Variants in KLHL22 observed in about 807,000 individuals in gnomAD.
KLHL22 encodes the protein kelch-like protein 22.
KLHL22 carries 18 observed loss-of-function variants against 60.7 expected under a neutral mutation model. That is an observed-to-expected ratio of 0.30 (90% confidence interval 0.20 to 0.44). KLHL22 has a LOEUF of 0.44. Ranked by LOEUF, KLHL22 falls within the 20% of genes least tolerant of loss-of-function variation. The pLI is 1.00. For synonymous variants in KLHL22, 355 were observed against 354.5 expected, an observed-to-expected ratio of 1.00 and a Z score of -0.01; for missense variants, 596 against 852.3, an observed-to-expected ratio of 0.70 and a Z score of 3.74.
intron 2 of KLHL22, among the ~76,000 whole-genome samples, chr22:20,477,026 T>A (rs1243091102): frequency 2.0e-5 from 3 of 151,142 alleles, no homozygotes; most frequent in African/African-American, 4.9e-5. Flanking sequence ...TTTTACCATT[T>A]TAAGAAAAAA....
At chr22:20,464,106 C>T (rs1367495941) in intron 4 of KLHL22, among the ~76,000 whole-genome samples, 2 of 152,130 alleles carry the variant, frequency 1.3e-5, no homozygotes, top group African/African-American at 4.8e-5. Flanking sequence ...GTCTTGTGGG[C>T]CTGAACCACT....
chr22:20,492,121 C>T (rs1394754278), intron 1 of KLHL22: 3 of 152,240 alleles, frequency 2.0e-5, no homozygotes, highest in Admixed American at 2.0e-4. Context: ...CCAGTTTCAC[C>T]TACAGCTCAG....
chr22:20,443,876 C>T (rs563512450), intron 6 of KLHL22, among the ~76,000 whole-genome samples: 1 of 151,952 alleles, frequency 6.6e-6, no homozygotes, highest in South Asian at 2.1e-4. Context: ...GGCAAAACCC[C>T]GTCTCTACTA....
chr22:20,458,558 T>C (rs536943278), intron 4 of KLHL22, among the ~76,000 whole-genome samples: 1 of 149,100 alleles, frequency 6.7e-6, no homozygotes, highest in Non-Finnish European at 1.5e-5. Flanking sequence ...CACTTCCATC[T>C]CACTTACCTC....
chr22:20,470,778 G>GGATGGATA (rs1298553787), intron 3 of KLHL22, among the ~76,000 whole-genome samples: 1 of 119,882 alleles, frequency 8.3e-6, no homozygotes, highest in Admixed American at 1.0e-4. Flanking sequence ...ATGCATGGAT[G>GGATGGATA]GATGGATAGA....
intron 6 of KLHL22, among the ~76,000 whole-genome samples, chr22:20,445,761 T>C (rs1450164690): frequency 4.0e-5 from 6 of 151,834 alleles, no homozygotes; most frequent in African/African-American, 1.5e-4. Flanking sequence ...AGTTTTGTTG[T>C]TGTTTTTTTT....
intron 1 of KLHL22, among the ~76,000 whole-genome samples, chr22:20,494,789 T>C (rs375107123): frequency 6.6e-6 from 1 of 152,208 alleles, no homozygotes; most frequent in Non-Finnish European, 1.5e-5. Context: ...AGCTACAAAC[T>C]GAAGGATACA....
chr22:20,484,041 G>T, intron 2 of KLHL22: 8 of 855,158 alleles, frequency 9.4e-6, no homozygotes, highest in Admixed American at 5.5e-5. Flanking sequence ...GCCATAGCTG[G>T]GAGCCTGGAC....
chr22:20,483,516 C>T (rs533796625), intron 2 of KLHL22: 2 of 728,320 alleles, frequency 2.7e-6, no homozygotes, highest in African/African-American at 1.7e-5. Context: ...TCTCCAGCTA[C>T]AGCTGAGGGA....
chr22:20,484,731 C>CT lies in KLHL22; in HGVS notation c.227+4253dup, dbSNP rs10712145. Among the ~76,000 whole-genome samples, 507 of 137,852 alleles carry CT rather than the reference C, an allele frequency of 3.7e-3. 2 individuals carry two copies. Among genetic ancestry groups the CT allele is most frequent in the East Asian group, 0.01 (48 of 4,776 alleles). The allele number at this position is 137,852 out of a possible 152,430, so 90.4% of individuals were successfully genotyped here. A position where few individuals can be genotyped will look rare whatever the true frequency, so the allele number is the denominator to read the frequency against. The stretch of plus-strand genomic sequence containing the variant: ...ATAGGTGTGAGCCACTGTGCTCAGC[C>CT]TTTTTTTTTTTTTTTTTACGAGAAA... On this transcript the variant is annotated intron_variant, in intron 2 of 6. Coordinates refer to ENST00000328879, the MANE Select transcript of KLHL22 (RefSeq NM_032775.4).
rs1389105489 is a variant in KLHL22 at position 20,495,326 on chromosome 22, C to A, written c.-34+434G>T. ...GCTCCTACGGCTGCAGTCCCCGGGC[C>A]CGATCGAGGGAACTGAGGCTCGTCA... On this transcript the variant is annotated intron_variant, in intron 1 of 6. Coordinates refer to ENST00000328879, the MANE Select transcript of KLHL22 (RefSeq NM_032775.4). The surrounding 1 kb of genome is among the most constrained non-coding windows in gnomAD (Gnocchi z 4.6). Among the ~76,000 whole-genome samples, 2 of 152,252 alleles carry A rather than the reference C, an allele frequency of 1.3e-5. No homozygotes were observed. Among genetic ancestry groups the A allele is most frequent in the Admixed American group, 6.5e-5 (1 of 15,292 alleles).
intron 4 of KLHL22, among the ~76,000 whole-genome samples, chr22:20,459,121 C>A (rs567086041): frequency 1.3e-5 from 2 of 152,344 alleles, no homozygotes; most frequent in East Asian, 1.9e-4. Flanking sequence ...CTGAAGTGTC[C>A]TTGCCCAACA....
At chr22:20,478,640 G>A (rs1457161361) in intron 2 of KLHL22, among the ~76,000 whole-genome samples, 4 of 141,710 alleles carry the variant, frequency 2.8e-5, no homozygotes, top group South Asian at 2.3e-4. Flanking sequence ...TCAGCCTCCC[G>A]AGTAGCTGGG....
chr22:20,484,013 G>A (rs1237040192), intron 2 of KLHL22: 56 of 737,522 alleles, frequency 7.6e-5, no homozygotes, highest in Non-Finnish European at 1.2e-4. Context: ...CGCTGGCCAC[G>A]CTGCTGACCA....
At chr22:20,450,510 C>T in intron 5 of KLHL22, 1 of 1,614,052 alleles carries the variant, frequency 6.2e-7, no homozygotes, top group Admixed American at 1.7e-5. Context: ...GTCAGTTGGA[C>T]CCTTCTAATT....
In KLHL22 at chr22:20,490,283, T is replaced by C. The variant is rs1439984318; in HGVS notation, c.-33-1039A>G. 6.6e-5 allele frequency among the ~76,000 whole-genome samples: 10 copies of C among 152,374 alleles called. No homozygotes were observed. The South Asian group carries it at 1.2e-3, about 19-fold the overall frequency. The stretch of plus-strand genomic sequence containing the variant: ...TGTTGGGGATACATTCTGAGACTTA[T>C]ATCGCTGGAGGCAATTTCCTCAGTG... On this transcript the variant is annotated intron_variant, in intron 1 of 6. Transcript: ENST00000328879.
intron 2 of KLHL22, among the ~76,000 whole-genome samples, chr22:20,485,313 C>A (rs2053567320): frequency 6.6e-6 from 1 of 152,032 alleles, no homozygotes; most frequent in Non-Finnish European, 1.5e-5. Flanking sequence ...GTCAGGGGAG[C>A]CAAAGTAAGT....
intron 2 of KLHL22, chr22:20,483,649 T>C (rs1232816470): frequency 2.8e-6 from 2 of 726,422 alleles, no homozygotes; most frequent in Non-Finnish European, 5.1e-6. Context: ...ATTGTCGATC[T>C]ACAGAAAGAT....
chr22:20,451,494 G>A (rs1420565006), intron 5 of KLHL22: 1 of 1,598,396 alleles, frequency 6.3e-7, no homozygotes, highest in Non-Finnish European at 8.6e-7. Context: ...TTACACCAAT[G>A]GCCACCAAGC....
Sources: allele counts gnomAD v4.1 joint callset (sites outside exome capture counted in the v4.1 genomes callset), GRCh38; gene constraint gnomAD v4.1.1; non-coding constraint Gnocchi (gnomAD v3.1); transcripts MANE v1.5; gene names NCBI Gene and HGNC (gene_info 2026-07-23, HGNC 2026-07-21).